The following CHCHD2 variants were observed in gnomAD, a reference collection of about 807,000 sequenced individuals.
CHCHD2 encodes the protein coiled-coil-helix-coiled-coil-helix domain-containing protein 2.
Under a neutral mutation model 17.5 loss-of-function variants are expected in CHCHD2, and 17 were observed. The ratio of observed to expected loss-of-function variants is 0.97; its 90% confidence interval spans 0.67 to 1.46. The LOEUF (loss-of-function observed/expected upper bound fraction) is 1.46, where lower values mean the gene tolerates loss of function less well. CHCHD2 is among the 40% of genes most tolerant of loss of function. The probability of loss-of-function intolerance (pLI) is 0.00; values close to 1 mark genes in which losing one functional copy is unlikely to be tolerated. For missense variants in CHCHD2, 175 were observed against 199.9 expected, an observed-to-expected ratio of 0.88 and a Z score of 0.75; for synonymous variants, 63 against 74.3, an observed-to-expected ratio of 0.85 and a Z score of 0.78.
intron 1 of CHCHD2, 67 bp downstream of exon 1, chr7:56,106,297 T>C: frequency 6.6e-7 from 1 of 1,509,200 alleles, no homozygotes; most frequent in Non-Finnish European, 9.0e-7. Flanking sequence ...GCGGCCTCCC[T>C]CTGCGTCATT....
At position 56,101,878 on chromosome 7, in the gene CHCHD2, T is replaced by C; in HGVS notation, c.446-17A>G. 1.2e-6 allele frequency: 2 copies of C among 1,612,690 alleles called. No homozygotes were observed. ...AGGCCAATCCTGCAAACAGAAAAGATTAAGTTAGAAGAATGCTAGCTTCGT... is the reference window on the plus strand; with the variant it reads ...AGGCCAATCCTGCAAACAGAAAAGACTAAGTTAGAAGAATGCTAGCTTCGT... On this transcript the variant is annotated splice_polypyrimidine_tract_variant and intron_variant, in intron 3 of 3. Transcript: ENST00000395422.
intron 2 of CHCHD2, among the ~76,000 whole-genome samples, chr7:56,103,306 C>T (rs1453486918): frequency 3.3e-5 from 5 of 152,136 alleles, no homozygotes; most frequent in African/African-American, 9.7e-5. Flanking sequence ...ATGGTGAAAC[C>T]CCGTCCCTAC....
intron 3 of CHCHD2, among the ~76,000 whole-genome samples, 175 bp from the exon 4 acceptor site, chr7:56,102,036 C>T (rs952995020): frequency 6.6e-6 from 1 of 151,468 alleles, no homozygotes; most frequent in Non-Finnish European, 1.5e-5. Flanking sequence ...AGGCTGGTCT[C>T]GAACTCCTGG....
chr7:56,105,163 G>A (rs1203137272), intron 1 of CHCHD2, among the ~76,000 whole-genome samples: 1 of 151,948 alleles, frequency 6.6e-6, no homozygotes, highest in African/African-American at 2.4e-5. Context: ...CACCCGCCTC[G>A]ACCTCCCAAA....
intron 3 of CHCHD2, 36 bp from the exon 4 acceptor site, chr7:56,101,897 G>C (rs1289946890): frequency 6.2e-7 from 1 of 1,604,786 alleles, no homozygotes; most frequent in South Asian, 1.1e-5. Flanking sequence ...AAGAATGCTA[G>C]CTTCGTATAC....
rs1364264066 is a variant in CHCHD2, at chr7:56,102,953, T to C, written c.359A>G (p.Gln120Arg). The C allele has an allele frequency of 3.1e-6, 5 of 1,614,094 alleles. No individual in the cohort carries two copies. Among genetic ancestry groups the C allele is most frequent in the Non-Finnish European group, 4.2e-6 (5 of 1,179,972 alleles). ...CTGGTTCTGGGCACACTCCAGAAAC[T>C]GTTTGATCTCATAGAGGCAAGGCTG... Reference protein sequence around the residue: ...QQQPCLYEIKQFLECAQNQGD... With the variant: ...QQQPCLYEIKRFLECAQNQGD... The change falls in exon 3 of 4, where the codon CAG becomes CGG. Residue 120 changes from glutamine (Q) to arginine (R), a missense_variant. Transcript: ENST00000395422.
At chr7:56,106,235 C>T in intron 1 of CHCHD2, 129 bp downstream of exon 1, 2 of 768,836 alleles carry the variant, frequency 2.6e-6, no homozygotes, top group East Asian at 3.0e-5. Flanking sequence ...AATCTACCCC[C>T]GCCTGGCAGA....
At chr7:56,103,693 A>C (rs1349984504) in intron 2 of CHCHD2, among the ~76,000 whole-genome samples, 3 of 152,244 alleles carry the variant, frequency 2.0e-5, no homozygotes, top group Non-Finnish European at 4.4e-5. Flanking sequence ...AAGTGGAATT[A>C]TTATCTTGTT....
At chr7:56,105,901 T>A (rs943816424) in intron 1 of CHCHD2, among the ~76,000 whole-genome samples, 1 of 152,220 alleles carries the variant, frequency 6.6e-6, no homozygotes, top group Non-Finnish European at 1.5e-5. Context: ...GTGACTCGTC[T>A]GAACTATTAT....
intron 1 of CHCHD2, among the ~76,000 whole-genome samples, chr7:56,105,902 G>A (rs1217218035): frequency 6.6e-6 from 1 of 152,194 alleles, no homozygotes; most frequent in Admixed American, 6.5e-5. Flanking sequence ...TGACTCGTCT[G>A]AACTATTATA....
chr7:56,105,149 G>C (rs1473455503), intron 1 of CHCHD2, among the ~76,000 whole-genome samples: 1 of 151,918 alleles, frequency 6.6e-6, no homozygotes. Flanking sequence ...GACCTCAAGT[G>C]ATCCACCCGC....
intron 1 of CHCHD2, among the ~76,000 whole-genome samples, chr7:56,104,733 G>T (rs1023422849): frequency 6.6e-6 from 1 of 151,358 alleles, no homozygotes; most frequent in Admixed American, 6.6e-5. Flanking sequence ...TCAGCCTTCC[G>T]AGTAGCTGGG....
At chr7:56,103,246 G>A (rs945578288) in intron 2 of CHCHD2, among the ~76,000 whole-genome samples, 4 of 152,124 alleles carry the variant, frequency 2.6e-5, no homozygotes, top group South Asian at 2.1e-4. Flanking sequence ...TTGGGAAGCC[G>A]AGAAGGGTGA....
chr7:56,106,410 G>C lies in CHCHD2; in HGVS notation c.4C>G (p.Pro2Ala), dbSNP rs1679354016. 1 of 1,613,374 alleles carries C rather than the reference G, an allele frequency of 6.2e-7. No individual in the cohort carries two copies. Residue 2 changes from proline to alanine, a missense_variant, in exon 1 of 4, where the codon CCG becomes GCG. Physicochemically the swap from Pro to Ala is conservative, Grantham distance 27 (BLOSUM62 -1). Transcript: ENST00000395422. Reference protein sequence around the residue: MPRGSRSRTSRM... With the variant: MARGSRSRTSRM... The stretch of plus-strand genomic sequence containing the variant: ...GAGGTGCGGCTTCGGCTTCCACGCG[G>C]CATCCTAGGTAAGCGACGGCTAGGC...
At chr7:56,103,985 A>T (rs1321784462) in intron 2 of CHCHD2, among the ~76,000 whole-genome samples, 1 of 152,258 alleles carries the variant, frequency 6.6e-6, no homozygotes, top group Non-Finnish European at 1.5e-5. Context: ...GTTGTTTTAC[A>T]GTGAGTCAAG....
intron 1 of CHCHD2, 80 bp downstream of exon 1, chr7:56,106,284 C>T: frequency 7.1e-7 from 1 of 1,410,252 alleles, no homozygotes; most frequent in Non-Finnish European, 9.7e-7. Context: ...TTCACCCCCG[C>T]CCGCGGCCTC....
intron 2 of CHCHD2, 83 bp downstream of exon 2, chr7:56,104,143 T>TTA (rs1785337226): frequency 6.4e-7 from 1 of 1,556,208 alleles, no homozygotes; most frequent in Non-Finnish European, 8.8e-7. Context: ...TCAAAGACAA[T>TTA]TCCTACACTT....
rs752437120 is a variant in CHCHD2 at position 56,101,833 on chromosome 7, C to G, written c.*18G>C. 2 of 1,610,446 alleles carry G rather than the reference C, an allele frequency of 1.2e-6. No individual in the cohort carries two copies. Among genetic ancestry groups the G allele is most frequent in the South Asian group, 1.1e-5 (1 of 90,708 alleles). ...TTATGAGAGCTGATTTTCCATCTCT[C>G]CAGGTTGAACTTCTTCATTAGGCCA... is the stretch of plus-strand genomic sequence containing the variant. On this transcript the variant is annotated 3_prime_UTR_variant, in exon 4 of 4. Transcript: ENST00000395422.
chr7:56,102,855 C>A lies in CHCHD2; in HGVS notation c.445+12G>T. 6.2e-7 allele frequency: 1 copy of A among 1,613,806 alleles called. No individual in the cohort carries two copies. Among genetic ancestry groups the A allele is most frequent in the Non-Finnish European group, 8.5e-7 (1 of 1,179,788 alleles). ...GTGAATTAAGCAGATGTAAATTGGA[C>A]AAATTACCTACCGTTTGCAAGTCGG... On this transcript the variant is annotated intron_variant, in intron 3 of 3. Coordinates refer to ENST00000395422, the MANE Select transcript of CHCHD2 (RefSeq NM_016139.4).
Sources: allele counts gnomAD v4.1 joint callset (sites outside exome capture counted in the v4.1 genomes callset), GRCh38; gene constraint gnomAD v4.1.1; transcripts MANE v1.5; gene names NCBI Gene and HGNC (gene_info 2026-07-23, HGNC 2026-07-21).